SH3KBP1: variants seen among roughly 807,000 people sequenced by gnomAD.
The protein encoded by SH3KBP1 is SH3 domain-containing kinase-binding protein 1.
SH3KBP1 carries 8 observed loss-of-function variants against 50.1 expected under a neutral mutation model. The observed-to-expected ratio is 0.16, with a 90% CI of 0.09 to 0.29. The LOEUF (loss-of-function observed/expected upper bound fraction) is 0.29. Among genes scored for constraint, SH3KBP1 ranks in the 10% least tolerant of loss-of-function variants. SH3KBP1 has a pLI of 1.00. For synonymous variants in SH3KBP1, 227 were observed against 218.6 expected (o/e 1.04, Z -0.34); for missense variants, 377 against 535.2 (o/e 0.70, Z 2.92).
intron 1 of SH3KBP1, among the ~76,000 whole-genome samples, chrX:19,877,992 T>C (rs778544748): frequency 1.8e-5 from 2 of 111,994 alleles, no homozygotes; most frequent in Non-Finnish European, 3.8e-5. Context: ...AGGACAAGTA[T>C]CACAGGATTT....
chrX:19,547,108 T>C (rs1000394486), intron 14 of SH3KBP1, among the ~76,000 whole-genome samples: 2 of 109,256 alleles, frequency 1.8e-5, no homozygotes, highest in Non-Finnish European at 3.8e-5. Context: ...GCCATTGACA[T>C]TGCACCACTG....
At chrX:19,585,208 T>C (rs965899486) in intron 12 of SH3KBP1, among the ~76,000 whole-genome samples, 2 of 108,669 alleles carry the variant, frequency 1.8e-5, no homozygotes, top group African/African-American at 6.9e-5. Flanking sequence ...ACACGCATAC[T>C]AAATGTACTA....
intron 1 of SH3KBP1, among the ~76,000 whole-genome samples, chrX:19,879,105 C>T (rs1465102128): frequency 8.9e-6 from 1 of 111,771 alleles, no homozygotes; most frequent in Admixed American, 9.4e-5. Context: ...ATTAGCTGGG[C>T]GTGGTGGCAC....
chrX:19,628,365 A>C (rs1020146815), intron 8 of SH3KBP1, among the ~76,000 whole-genome samples: 1 of 111,489 alleles, frequency 9.0e-6, no homozygotes, highest in Non-Finnish European at 1.9e-5. Context: ...CCTCCCTGCC[A>C]GAGTAAATCC....
chrX:19,836,339 T>C, intron 1 of SH3KBP1, 57 bp from the exon 2 acceptor site: 1 of 1,030,897 alleles, frequency 9.7e-7, no homozygotes, highest in Non-Finnish European at 1.4e-6. Flanking sequence ...AAGGCTGAGG[T>C]CCAGTATCCC....
chrX:19,683,201 C>T (rs2063096111), intron 6 of SH3KBP1: 5 of 303,324 alleles, frequency 1.6e-5, no homozygotes, highest in African/African-American at 2.7e-5. Flanking sequence ...CTGTGGTAAC[C>T]GCGTACTCAG....
intron 4 of SH3KBP1, 23 bp from the exon 5 acceptor site, chrX:19,695,764 G>A (rs2063400618): frequency 8.3e-7 from 1 of 1,204,678 alleles, no homozygotes; most frequent in Non-Finnish European, 1.1e-6. Flanking sequence ...AAACAAAAGA[G>A]CAGAGATACA....
chrX:19,883,891 C>T (rs1014912512), intron 1 of SH3KBP1, among the ~76,000 whole-genome samples: 7 of 111,409 alleles, frequency 6.3e-5, no homozygotes, highest in African/African-American at 2.0e-4. Context: ...ATCACAAATT[C>T]CCCCTGGTAG....
chrX:19,603,839 C>T (rs1460563724), intron 9 of SH3KBP1, among the ~76,000 whole-genome samples: 3 of 111,261 alleles, frequency 2.7e-5, no homozygotes, highest in African/African-American at 9.8e-5. Context: ...AGGCATGTAC[C>T]ACCATGTCCA....
chrX:19,537,687 T>C, intron 17 of SH3KBP1, 30 bp downstream of exon 17: 1 of 1,187,310 alleles, frequency 8.4e-7, no homozygotes, highest in Non-Finnish European at 1.1e-6. Context: ...AGCCTAGGAC[T>C]CACGGGCAGC....
At chrX:19,860,710 A>C (rs890941518) in intron 1 of SH3KBP1, among the ~76,000 whole-genome samples, 1 of 112,007 alleles carries the variant, frequency 8.9e-6, no homozygotes, top group Non-Finnish European at 1.9e-5. Context: ...CAAAAGCATC[A>C]AGGTCATGAA....
At chrX:19,839,285 A>C (rs1220808933) in intron 1 of SH3KBP1, among the ~76,000 whole-genome samples, 1 of 108,818 alleles carries the variant, frequency 9.2e-6, no homozygotes, top group African/African-American at 3.3e-5. Context: ...TAGTACAGGA[A>C]TATATGTACA....
chrX:19,800,588 CAT>C (rs757883228), intron 2 of SH3KBP1, among the ~76,000 whole-genome samples: 4 of 112,375 alleles, frequency 3.6e-5, no homozygotes, highest in African/African-American at 9.7e-5. Context: ...TTATTTCCCA[CAT>C]ATGTTAGTGT....
At chrX:19,688,106 A>G (rs991800319) in intron 5 of SH3KBP1, among the ~76,000 whole-genome samples, 2 of 112,499 alleles carry the variant, frequency 1.8e-5, no homozygotes, top group Non-Finnish European at 3.8e-5. Flanking sequence ...AATACGACCT[A>G]TGCATAATAC....
Position 19,535,214 on chromosome X carries a change from G to T in SH3KBP1, c.*1203C>A. On this transcript the variant is annotated 3_prime_UTR_variant, in exon 18 of 18. Transcript: ENST00000397821. The stretch of plus-strand genomic sequence containing the variant: ...GGACAGGCAAACATCAGTTTCCTTG[G>T]GAAAGAAAAAGCAACTCCATAAATG... The T allele has an allele frequency of 3.6e-6, 1 of 275,765 alleles. No homozygotes were observed. The highest frequency in any genetic ancestry group is 6.4e-6 in the Non-Finnish European group (1 of 156,872). The allele number at this position is 275,765 out of a possible 1,213,427, so 22.7% of individuals were successfully genotyped here.
chrX:19,634,035 T>A (rs1419316165), intron 7 of SH3KBP1, among the ~76,000 whole-genome samples: 1 of 11,136 alleles, frequency 9.0e-5, no homozygotes, highest in Non-Finnish European at 1.9e-4. Flanking sequence ...TTCCCTGGTG[T>A]GTGTGTGTGT....
At chrX:19,607,796 T>C in intron 9 of SH3KBP1, 142 bp downstream of exon 9, 2 of 508,662 alleles carry the variant, frequency 3.9e-6, no homozygotes, top group Non-Finnish European at 7.0e-6. Flanking sequence ...TGTTACAGAG[T>C]ATATGGCAGC....
chrX:19,723,142 CAAAAAAAAAAA>C (rs61434855), intron 3 of SH3KBP1, among the ~76,000 whole-genome samples: 2 of 31,128 alleles, frequency 6.4e-5, no homozygotes, highest in Admixed American at 4.0e-4. Flanking sequence ...GACTCCGTCT[CAAAAAAAAAAA>C]AAAAAAAAAA....
At chrX:19,610,079 C>G (rs1017993140) in intron 8 of SH3KBP1, among the ~76,000 whole-genome samples, 1 of 111,493 alleles carries the variant, frequency 9.0e-6, no homozygotes, top group African/African-American at 3.3e-5. Flanking sequence ...TAGTCACAGA[C>G]TATAAATTCT....
Sources: gnomAD v4.1 joint callset for allele counts (sites outside exome capture counted in the v4.1 genomes callset) on GRCh38, gnomAD v4.1.1 for gene constraint, MANE v1.5 for transcripts, NCBI Gene and HGNC (gene_info 2026-07-23, HGNC 2026-07-21) for gene names.